Variants in CELF2 observed in about 807,000 individuals in gnomAD.
The protein encoded by CELF2 is CUG triplet repeat RNA-binding protein 2.
Under a neutral mutation model 62.6 loss-of-function variants are expected in CELF2, and 8 were observed. The ratio of observed to expected loss-of-function variants is 0.13; its 90% CI spans 0.07 to 0.23. CELF2 has a LOEUF of 0.23. Ranked by LOEUF, CELF2 falls within the 10% of genes least tolerant of loss-of-function variation. CELF2 has a pLI of 1.00. For synonymous variants in CELF2, 258 were observed against 250.0 expected (o/e 1.03, Z -0.30); for missense variants, 333 against 671.0 (o/e 0.50, Z 5.56).
the CELF2 span, among the ~76,000 whole-genome samples, chr10:10,607,560 G>T: frequency 6.6e-6 from 1 of 152,210 alleles, no homozygotes; most frequent in Non-Finnish European, 1.5e-5. Context: ...CTGTAAGAAA[G>T]GGATGGGAGG....
chr10:10,879,766 C>T (rs940441984), intron 1 of CELF2, among the ~76,000 whole-genome samples: 3 of 152,172 alleles, frequency 2.0e-5, no homozygotes, highest in Admixed American at 1.3e-4. Context: ...ACATCCTGTT[C>T]TTAATCCTTC....
chr10:10,654,192 C>T, the CELF2 span, among the ~76,000 whole-genome samples: 22 of 131,724 alleles, frequency 1.7e-4, 1 homozygote, highest in South Asian at 2.4e-3. Context: ...TCTGAATAGA[C>T]CAATAACAGG....
chr10:11,129,794 A>G (rs1222292708), intron 1 of CELF2, among the ~76,000 whole-genome samples: 1 of 152,114 alleles, frequency 6.6e-6, no homozygotes, highest in African/African-American at 2.4e-5. Context: ...CTAGAGGTCT[A>G]CCAATTTTGT....
intron 1 of CELF2, among the ~76,000 whole-genome samples, chr10:11,141,015 TAAA>T (rs539024926): frequency 1.3e-3 from 193 of 152,288 alleles, no homozygotes; most frequent in African/African-American, 4.5e-3. Context: ...GACCCTGTCT[TAAA>T]AAAATAAAGC....
chr10:10,927,346 T>TAAATAAAAAAAAA (rs2065586102), intron 2 of CELF2: 6 of 85,864 alleles, frequency 7.0e-5, no homozygotes, highest in Admixed American at 3.0e-4. Flanking sequence ...CTAGTGACAT[T>TAAATAAAAAAAAA]AAAAAAAAAA....
chr10:11,265,852 C>A (rs143877961), intron 5 of CELF2, among the ~76,000 whole-genome samples: 2 of 152,126 alleles, frequency 1.3e-5, no homozygotes, highest in Non-Finnish European at 2.9e-5. Flanking sequence ...ATCTTTGATA[C>A]GTTTCAGAAA....
chr10:11,166,858 T>G (rs1387931397), intron 2 of CELF2, among the ~76,000 whole-genome samples: 1 of 152,246 alleles, frequency 6.6e-6, no homozygotes, highest in Non-Finnish European at 1.5e-5. Flanking sequence ...CCGAGAAATT[T>G]TGGGCTGTTC....
At chr10:11,037,975 A>G (rs1403375274) in intron 1 of CELF2, among the ~76,000 whole-genome samples, 6 of 13,188 alleles carry the variant, frequency 4.5e-4, no homozygotes, top group East Asian at 0.25. Flanking sequence ...AGTTTATGGA[A>G]AAAAAAAACA....
the CELF2 span, among the ~76,000 whole-genome samples, chr10:10,691,550 A>G: frequency 2.6e-5 from 4 of 151,974 alleles, no homozygotes; most frequent in Non-Finnish European, 4.4e-5. Context: ...GTCAAATGGT[A>G]TTTTACTTCT....
At chr10:10,547,759 T>C in the CELF2 span, among the ~76,000 whole-genome samples, 3 of 151,914 alleles carry the variant, frequency 2.0e-5, no homozygotes, top group Admixed American at 6.6e-5. Context: ...TAAATGTCCA[T>C]TTTTCTGAAG....
the CELF2 span, among the ~76,000 whole-genome samples, chr10:10,579,159 C>T: frequency 6.6e-6 from 1 of 152,154 alleles, no homozygotes; most frequent in East Asian, 1.9e-4. Flanking sequence ...AAAGGAATAA[C>T]AAGTTCCTTT....
intron 2 of CELF2, among the ~76,000 whole-genome samples, chr10:10,967,972 AAAAATGTAAGTTATT>A (rs1266970830): frequency 1.5e-4 from 23 of 152,262 alleles, no homozygotes; most frequent in African/African-American, 5.5e-4. Flanking sequence ...TGAGGGAGAA[AAAAATGTAAGTTATT>A]AAAATCCAAC....
the CELF2 span, among the ~76,000 whole-genome samples, chr10:10,691,015 T>TA: frequency 1.4e-3 from 219 of 151,476 alleles, 1 homozygote; most frequent in African/African-American, 5.0e-3. Context: ...GATTTTTTTT[T>TA]ATTATTATAC....
chr10:10,616,628 G>T, the CELF2 span, among the ~76,000 whole-genome samples: 1 of 151,008 alleles, frequency 6.6e-6, no homozygotes, highest in East Asian at 2.0e-4. Flanking sequence ...CCTACTCACT[G>T]CCTCAAGAGA....
chr10:11,159,350 C>T lies in CELF2; in HGVS notation c.75-6136C>T, dbSNP rs2065186220. Among the ~76,000 whole-genome samples, 2 of 152,250 alleles carry T rather than the reference C, an allele frequency of 1.3e-5. No individual in the cohort carries two copies. Among genetic ancestry groups the T allele is most frequent in the African/African-American group, 2.4e-5 (1 of 41,474 alleles). On this transcript the variant is annotated intron_variant, in intron 1 of 12. Transcript: ENST00000633077. The surrounding 1 kb of genome is among the most constrained non-coding windows in gnomAD (Gnocchi z 5.0). ...AGCTGTGTCAGAAAGGTGGCAAACT[C>T]TGCCCTGCCGAAAGGCAGTCATGGA...
At position 11,010,734 on chromosome 10, in the gene CELF2, C is replaced by G. The variant is rs1264486914; in HGVS notation, c.53+5294C>G. On this transcript the variant is annotated intron_variant, in intron 1 of 12. Coordinates refer to the CELF2 transcript ENST00000416382. The surrounding 1 kb of genome is among the most constrained non-coding windows in gnomAD (Gnocchi z 4.1). ...TGACATTTTAAAGACATTTCTTTCT[C>G]TGGTGCTGTGGTTCCACTGTAGACG... Among the ~76,000 whole-genome samples the G allele has an allele frequency of 1.3e-5, 2 of 152,180 alleles. No individual in the cohort carries two copies. The highest frequency in any genetic ancestry group is 4.8e-5 in the African/African-American group (2 of 41,446).
At chr10:10,758,529 T>C in the CELF2 span, among the ~76,000 whole-genome samples, 1 of 152,152 alleles carries the variant, frequency 6.6e-6, no homozygotes, top group African/African-American at 2.4e-5. Context: ...ACGCCAGCCA[T>C]GGATCACATT....
chr10:10,533,495 T>A, the CELF2 span, among the ~76,000 whole-genome samples: 31 of 152,344 alleles, frequency 2.0e-4, no homozygotes, highest in Admixed American at 1.6e-3. Flanking sequence ...AACTTTATTG[T>A]AGGACTTTCA....
At chr10:10,577,249 T>C in the CELF2 span, among the ~76,000 whole-genome samples, 3 of 152,128 alleles carry the variant, frequency 2.0e-5, no homozygotes. Context: ...TGTTCCTTAG[T>C]AGGGAGGAAT....
Sources: gnomAD v4.1 joint callset for allele counts (sites outside exome capture counted in the v4.1 genomes callset) on GRCh38, gnomAD v4.1.1 for gene constraint, Gnocchi (gnomAD v3.1) non-coding constraint, MANE v1.5 for transcripts, NCBI Gene and HGNC (gene_info 2026-07-23, HGNC 2026-07-21) for gene names.